The following HEMK2 variants were observed in gnomAD, a reference collection of about 807,000 sequenced individuals.
HEMK2 encodes the protein methyltransferase HEMK2.
At chr21:28,624,940 G>A in the HEMK2 span, among the ~76,000 whole-genome samples, 11 of 152,226 alleles carry the variant, frequency 7.2e-5, no homozygotes, top group Non-Finnish European at 1.5e-4. Context: ...TCAAGGCTCA[G>A]CCAAACTAGG....
chr21:28,876,602 CA>C, the HEMK2 span: 4 of 612,986 alleles, frequency 6.5e-6, no homozygotes, highest in Admixed American at 3.5e-5. Flanking sequence ...ATTCATCTGA[CA>C]AAACAATGTA....
At chr21:28,820,564 TC>T in the HEMK2 span, among the ~76,000 whole-genome samples, 1 of 152,174 alleles carries the variant, frequency 6.6e-6, no homozygotes, top group South Asian at 2.1e-4. Context: ...CCATCTCCAT[TC>T]CCCCTAAGAA....
chr21:28,812,956 G>C, the HEMK2 span, among the ~76,000 whole-genome samples: 2 of 152,144 alleles, frequency 1.3e-5, no homozygotes, highest in Non-Finnish European at 2.9e-5. Context: ...ATGGTAGTTT[G>C]TATTTCTGGG....
At chr21:28,750,100 G>T in the HEMK2 span, among the ~76,000 whole-genome samples, 1 of 152,162 alleles carries the variant, frequency 6.6e-6, no homozygotes, top group African/African-American at 2.4e-5. Context: ...TACACAGAGA[G>T]TAGACTAACC....
the HEMK2 span, among the ~76,000 whole-genome samples, chr21:28,733,273 C>T: frequency 6.6e-6 from 1 of 152,024 alleles, no homozygotes; most frequent in Admixed American, 6.5e-5. Context: ...AGCAAGACTC[C>T]GTCTCAAAAA....
the HEMK2 span, among the ~76,000 whole-genome samples, chr21:28,823,804 C>G: frequency 2.0e-5 from 3 of 152,012 alleles, no homozygotes; most frequent in African/African-American, 7.3e-5. Context: ...ATGTTAAGTA[C>G]CTGCCATATG....
the HEMK2 span, among the ~76,000 whole-genome samples, chr21:28,877,533 GAGA>G: frequency 1.4e-5 from 2 of 146,332 alleles, no homozygotes; most frequent in Non-Finnish European, 3.0e-5. Context: ...GAAAAGAGAA[GAGA>G]AGAGAGAGAG....
At chr21:28,848,916 T>A in the HEMK2 span, among the ~76,000 whole-genome samples, 1 of 152,118 alleles carries the variant, frequency 6.6e-6, no homozygotes, top group Non-Finnish European at 1.5e-5. Context: ...ACCCTGCCCC[T>A]GCCTGCGCTC....
the HEMK2 span, among the ~76,000 whole-genome samples, chr21:28,682,887 C>T: frequency 6.6e-6 from 1 of 152,104 alleles, no homozygotes; most frequent in South Asian, 2.1e-4. Flanking sequence ...GAACATCACA[C>T]ACTGGGGCCT....
chr21:28,745,974 G>A, the HEMK2 span, among the ~76,000 whole-genome samples: 1 of 152,152 alleles, frequency 6.6e-6, no homozygotes, highest in Non-Finnish European at 1.5e-5. Context: ...GCTGAATCCT[G>A]AAATAGAGCC....
the HEMK2 span, among the ~76,000 whole-genome samples, chr21:28,661,411 A>G: frequency 1.3e-5 from 2 of 152,026 alleles, no homozygotes; most frequent in African/African-American, 4.8e-5. Context: ...ATTTTATCAT[A>G]TCATTAATTT....
At chr21:28,831,634 G>GGAAGGAAA in the HEMK2 span, among the ~76,000 whole-genome samples, 6 of 36,468 alleles carry the variant, frequency 1.6e-4, 1 homozygote, top group African/African-American at 4.9e-4. Context: ...AAAGAAGGAA[G>GGAAGGAAA]GAAAGAAAGA....
chr21:28,718,555 CT>C, the HEMK2 span, among the ~76,000 whole-genome samples: 1 of 151,776 alleles, frequency 6.6e-6, no homozygotes, highest in African/African-American at 2.4e-5. Context: ...GTGGCTAAGT[CT>C]TTTTTTAGGT....
At chr21:28,664,363 G>A in the HEMK2 span, among the ~76,000 whole-genome samples, 1 of 151,970 alleles carries the variant, frequency 6.6e-6, no homozygotes, top group Non-Finnish European at 1.5e-5. Flanking sequence ...TATGTTTCTG[G>A]GTATCTTACT....
At chr21:28,874,577 C>G in the HEMK2 span, 1 of 152,264 alleles carries the variant, frequency 6.6e-6, no homozygotes. Flanking sequence ...GGCTACTTTG[C>G]TCATGAAACA....
the HEMK2 span, chr21:28,743,372 T>C: frequency 6.6e-6 from 1 of 152,228 alleles, no homozygotes; most frequent in Non-Finnish European, 1.5e-5. Context: ...GCAGGGTCAC[T>C]TCAACAACAG....
the HEMK2 span, among the ~76,000 whole-genome samples, chr21:28,635,431 G>A: frequency 3.9e-5 from 6 of 151,938 alleles, no homozygotes; most frequent in Non-Finnish European, 5.9e-5. Context: ...GATTTTAATG[G>A]CACTTAAATC....
chr21:28,858,745 T>C, the HEMK2 span, among the ~76,000 whole-genome samples: 2 of 152,130 alleles, frequency 1.3e-5, no homozygotes, highest in South Asian at 2.1e-4. Context: ...AGTTAGAGTA[T>C]TTTCTCAAGA....
chr21:28,838,362 G>A, the HEMK2 span, among the ~76,000 whole-genome samples: 11,498 of 151,730 alleles, frequency 0.076, 507 homozygotes, highest in African/African-American at 0.11. Flanking sequence ...GTGAAACCCC[G>A]TCTCTACTAA....
Sources: gnomAD v4.1 joint callset for allele counts (sites outside exome capture counted in the v4.1 genomes callset) on GRCh38, gnomAD v4.1.1 for gene constraint, MANE v1.5 for transcripts, NCBI Gene and HGNC (gene_info 2026-07-23, HGNC 2026-07-21) for gene names.